Variants in GMIP observed in about 807,000 individuals in gnomAD.
GMIP encodes the protein GEM interacting protein.
Under a neutral mutation model 105.3 loss-of-function variants are expected in GMIP, and 54 were observed. The observed-to-expected ratio is 0.51, with a 90% confidence interval of 0.41 to 0.64. The LOEUF (loss-of-function observed/expected upper bound fraction) is 0.64. GMIP is among the 30% of genes least tolerant of loss of function. The pLI, the probability that GMIP is intolerant of heterozygous loss-of-function variation, is 0.00. For missense variants in GMIP, 1,110 were observed against 1,319.4 expected, an observed-to-expected ratio of 0.84 and a Z score of 2.46; for synonymous variants, 541 against 560.8, an observed-to-expected ratio of 0.96 and a Z score of 0.50.
At position 19,629,807 on chromosome 19, in the gene GMIP, T is replaced by C; in HGVS notation, c.*156A>G. The C allele has an allele frequency of 1.4e-6, 1 of 711,924 alleles. No homozygotes were observed. Among genetic ancestry groups the C allele is most frequent in the Non-Finnish European group, 2.3e-6 (1 of 438,874 alleles). The allele number at this position is 711,924 out of a possible 1,614,324, so 44.1% of individuals were successfully genotyped here. On this transcript the variant is annotated 3_prime_UTR_variant, in exon 21 of 21. Coordinates refer to ENST00000203556, the MANE Select transcript of GMIP (RefSeq NM_016573.4). ...AAAAGGGTTTTAGGCCTCCCCTAGG[T>C]CATGTATTAAATAGTTTTTCCTTAT...
rs1402843073 is a variant in GMIP, at chr19:19,640,521, C to T, written c.289G>A (p.Ala97Thr). The change falls in exon 5 of 21, where the codon GCC becomes ACC. Residue 97 changes from alanine to threonine, a missense_variant. By Grantham distance (58) the Ala-to-Thr change is moderately conservative. Around this residue, in one of 3 missense-constraint regions of GMIP, gnomAD observed 667 missense variants for 773.2 expected, o/e 0.86. Coordinates refer to ENST00000203556, the MANE Select transcript of GMIP (RefSeq NM_016573.4). ...LIRTKGGVDAALEYAKTWSRY... is the reference protein window; with the variant it reads ...LIRTKGGVDATLEYAKTWSRY... ...CTCCAGGTCTTGGCATATTCCAGGG[C>T]TGCGTCCACACCCCCCTTTGTCCGA... is the stretch of plus-strand genomic sequence containing the variant. 2 of 1,613,996 alleles carry T rather than the reference C, an allele frequency of 1.2e-6. No homozygotes were observed. The highest frequency in any genetic ancestry group is 1.1e-5 in the South Asian group (1 of 91,082).
intron 1 of GMIP, chr19:19,643,154 C>T: frequency 3.4e-6 from 1 of 291,406 alleles, no homozygotes; most frequent in Non-Finnish European, 6.4e-6. Context: ...CCAGCACTGC[C>T]GACTCCCCAG....
chr19:19,629,819 T>C lies in GMIP; in HGVS notation c.*144A>G. 1 of 776,658 alleles carries C rather than the reference T, an allele frequency of 1.3e-6. No homozygotes were observed. Among genetic ancestry groups the C allele is most frequent in the East Asian group, 2.7e-5 (1 of 36,900 alleles). The allele number at this position is 776,658 out of a possible 1,614,324, so 48.1% of individuals were successfully genotyped here. ...GGCCTCCCCTAGGTCATGTATTAAA[T>C]AGTTTTTCCTTATAGGAACCCTCTG... On this transcript the variant is annotated 3_prime_UTR_variant, in exon 21 of 21. Coordinates refer to ENST00000203556, the MANE Select transcript of GMIP (RefSeq NM_016573.4).
chr19:19,631,277 A>G (rs943189323), intron 19 of GMIP, among the ~76,000 whole-genome samples: 1 of 152,154 alleles, frequency 6.6e-6, no homozygotes, highest in Middle Eastern at 3.2e-3. Flanking sequence ...CGTGGGCTCC[A>G]TGAGGGTGGG....
In GMIP at chr19:19,633,893, G is replaced by A; in HGVS notation, c.2382C>T (p.Asp794=). The change falls in exon 19 of 21, where the codon GAC becomes GAT. Residue 794 remains aspartate, a synonymous_variant. Coordinates refer to ENST00000203556, the MANE Select transcript of GMIP (RefSeq NM_016573.4). ...SQPPPPHLDP[D]SQPPVLASDP... is the part of the protein sequence containing the mutation. ...CTGAGGCTAGGACTGGGGGCTGGGA[G>A]TCTGGGTCAAGGTGCGGGGGTGGCG... 1 of 1,512,140 alleles carries A rather than the reference G, an allele frequency of 6.6e-7. No individual in the cohort carries two copies. Among genetic ancestry groups the A allele is most frequent in the Non-Finnish European group, 8.9e-7 (1 of 1,127,618 alleles). The allele number at this position is 1,512,140 out of a possible 1,614,324, so 93.7% of individuals were successfully genotyped here. A position where few individuals can be genotyped will look rare whatever the true frequency, so the allele number is the denominator to read the frequency against.
chr19:19,633,908 C>T lies in GMIP; in HGVS notation c.2367G>A (p.Pro789=), dbSNP rs757651716. The change falls in exon 19 of 21, where the codon CCG becomes CCA. Residue 789 remains proline (P), a synonymous_variant. Coordinates refer to ENST00000203556, the MANE Select transcript of GMIP (RefSeq NM_016573.4). ...PLTTSSQPPP[P]HLDPDSQPPV... is the part of the protein sequence containing the mutation. ...GGGGCTGGGAGTCTGGGTCAAGGTG[C>T]GGGGGTGGCGGTTGGGAGCTGGTTG... 3.4e-5 allele frequency: 38 copies of T among 1,132,428 alleles called. No homozygotes were observed. In the South Asian group the frequency reaches 3.5e-4, roughly 11 times the overall value. The allele number at this position is 1,132,428 out of a possible 1,614,324, so 70.1% of individuals were successfully genotyped here.
rs774019536 is a variant in GMIP at position 19,638,388 on chromosome 19, A to G, written c.618+14T>C. ...TCTCTCTCACCCTACCCTTCCACCAATTCCAAGCCTCACCATCCGCTTCTG... is the reference window on the plus strand; with the variant it reads ...TCTCTCTCACCCTACCCTTCCACCAGTTCCAAGCCTCACCATCCGCTTCTG... On this transcript the variant is annotated intron_variant, in intron 8 of 20. Coordinates refer to ENST00000203556, the MANE Select transcript of GMIP (RefSeq NM_016573.4). 6.2e-7 allele frequency: 1 copy of G among 1,614,002 alleles called. No homozygotes were observed. Among genetic ancestry groups the G allele is most frequent in the Non-Finnish European group, 8.5e-7 (1 of 1,179,946 alleles).
chr19:19,631,987 CA>C (rs1167199239), intron 19 of GMIP, among the ~76,000 whole-genome samples: 1,317 of 104,906 alleles, frequency 0.013, 15 homozygotes, highest in African/African-American at 0.036. Context: ...GACTCCATCT[CA>C]AAAAAAAAAA....
chr19:19,643,557 G>A lies in GMIP; in HGVS notation c.-28C>T, dbSNP rs1242425760. 12 of 1,536,148 alleles carry A rather than the reference G, an allele frequency of 7.8e-6. No individual in the cohort carries two copies. Among genetic ancestry groups the A allele is most frequent in the Admixed American group, 4.0e-5 (2 of 50,084 alleles). On this transcript the variant is annotated 5_prime_UTR_variant, in exon 1 of 21. Coordinates refer to ENST00000203556, the MANE Select transcript of GMIP (RefSeq NM_016573.4). ...CTGGGCCCGGGGATCGCTCTGCAGGGACCGGGATGGGGATGGGGTCGCGCG... is the reference window on the plus strand; with the variant it reads ...CTGGGCCCGGGGATCGCTCTGCAGGAACCGGGATGGGGATGGGGTCGCGCG...
Position 19,636,739 on chromosome 19 carries a change from G to C in GMIP, c.1295C>G (p.Ser432Cys), listed in dbSNP as rs147822392. The change falls in exon 13 of 21, where the codon TCT (serine) becomes TGT (cysteine). Residue 432 changes from serine to cysteine, a missense_variant. Transcript: ENST00000203556. ...DVDSVGGGSE[S>C]RSLDSPTSSP... is the part of the protein sequence containing the mutation. ...GGAAGTGGGTGAGTCCAGGGACCGA[G>C]ACTCGCTGCCGCCACCCACGCTGTC... 3.2e-4 allele frequency: 515 copies of C among 1,613,648 alleles called. 1 individual carries two copies. The highest frequency in any genetic ancestry group is 4.2e-4 in the Non-Finnish European group (492 of 1,179,926).
chr19:19,643,615 G>A lies in GMIP; in HGVS notation c.-86C>T, dbSNP rs1336621220. The A allele has an allele frequency of 4.9e-6, 6 of 1,222,764 alleles. No homozygotes were observed. Among genetic ancestry groups the A allele is most frequent in the Non-Finnish European group, 3.4e-6 (3 of 881,374 alleles). 75.7% of individuals were successfully genotyped at this position (1,222,764 alleles called of 1,614,324 possible). Reference sequence around the variant, plus strand: ...GGCCGAGCCCCGATTTCCTGCCGCCGCAGCCGCCGCCGCCGCCTCGGTTCC... The same window carrying A: ...GGCCGAGCCCCGATTTCCTGCCGCCACAGCCGCCGCCGCCGCCTCGGTTCC... On this transcript the variant is annotated 5_prime_UTR_variant, in exon 1 of 21. Transcript: ENST00000203556.
chr19:19,629,523 C>G lies in GMIP; in HGVS notation c.*440G>C, dbSNP rs2061770209. 5.6e-6 allele frequency: 1 copy of G among 179,702 alleles called. No homozygotes were observed. Among genetic ancestry groups the G allele is most frequent in the Admixed American group, 5.4e-5 (1 of 18,574 alleles). 11.1% of individuals were successfully genotyped at this position (179,702 alleles called of 1,614,324 possible). A position where few individuals can be genotyped will look rare whatever the true frequency, so the allele number is the denominator to read the frequency against. ...GCCATCAGACCTCAGGCACCACCAG[C>G]ATGTGGAGTCTGAGCTGCCCACCTC... On this transcript the variant is annotated 3_prime_UTR_variant, in exon 21 of 21. Transcript: ENST00000203556.
At position 19,637,608 on chromosome 19, in the gene GMIP, C is replaced by T. The variant is rs751480982; in HGVS notation, c.928-47G>A. On this transcript the variant is annotated intron_variant, in intron 10 of 20. Coordinates refer to ENST00000203556, the MANE Select transcript of GMIP (RefSeq NM_016573.4). The surrounding 1 kb of genome is among the most constrained non-coding windows in gnomAD (Gnocchi z 6.7). ...TTGGGGAGGGGCGGAGCCTGGGAGC[C>T]TGGGGGCAGGGCCAGAGCTGGGGCG... The T allele has an allele frequency of 1.4e-5, 20 of 1,414,258 alleles. No individual in the cohort carries two copies. Among genetic ancestry groups the T allele is most frequent in the Non-Finnish European group, 1.8e-5 (19 of 1,070,456 alleles). The allele number at this position is 1,414,258 out of a possible 1,614,324, so 87.6% of individuals were successfully genotyped here. A position where few individuals can be genotyped will look rare whatever the true frequency, so the allele number is the denominator to read the frequency against.
chr19:19,636,819 G>C (rs977212132), intron 12 of GMIP, 23 bp from the exon 13 acceptor site: 1 of 1,595,838 alleles, frequency 6.3e-7, no homozygotes, highest in Non-Finnish European at 8.6e-7. Flanking sequence ...GGTCAATAAG[G>C]ATGGTCCCCT....
Position 19,634,516 on chromosome 19 carries a change from T to C in GMIP, c.2075A>G (p.His692Arg). Residue 692 changes from histidine to arginine, a missense_variant, in exon 18 of 21, where the codon CAT becomes CGT. By Grantham distance (29) the His-to-Arg change is conservative. This residue lies in a region of GMIP where 394 missense variants were observed against 450.5 expected (regional missense o/e 0.87). Transcript: ENST00000203556. The surrounding 1 kb of genome is among the most constrained non-coding windows in gnomAD (Gnocchi z 6.1). ...AGGGACCCATGCACACCTGAACAGA[T>C]GGGCCACCAGGTGCCGCAGGGTGTT... ...NYNTLRHLVA[H>R]LFRVAARFME... is the part of the protein sequence containing the mutation. 1.9e-6 allele frequency: 3 copies of C among 1,609,426 alleles called. No individual in the cohort carries two copies. Among genetic ancestry groups the C allele is most frequent in the Non-Finnish European group, 2.5e-6 (3 of 1,178,688 alleles).
chr19:19,642,615 G>A lies in GMIP; in HGVS notation c.24C>T (p.Leu8=). MDAAEPG[L]PPGPEGRKRY... Reference sequence around the variant, plus strand: ...TCTTCCTGCCCTCAGGACCTGGGGGGAGTCCTAGGGGAGGGGAGTGTAATA... The same window carrying A: ...TCTTCCTGCCCTCAGGACCTGGGGGAAGTCCTAGGGGAGGGGAGTGTAATA... Residue 8 remains leucine, a synonymous_variant, in exon 2 of 21, where the codon CTC becomes CTT. Transcript: ENST00000203556. The A allele has an allele frequency of 1.3e-6, 2 of 1,581,314 alleles. No homozygotes were observed. Among genetic ancestry groups the A allele is most frequent in the Non-Finnish European group, 1.7e-6 (2 of 1,151,350 alleles).
At position 19,643,645 on chromosome 19, in the gene GMIP, C is replaced by G. The variant is rs901322034; in HGVS notation, c.-116G>C. 2 of 884,150 alleles carry G rather than the reference C, an allele frequency of 2.3e-6. No individual in the cohort carries two copies. Among genetic ancestry groups the G allele is most frequent in the Non-Finnish European group, 3.3e-6 (2 of 600,528 alleles). 54.8% of individuals were successfully genotyped at this position (884,150 alleles called of 1,614,324 possible). On this transcript the variant is annotated 5_prime_UTR_variant, in exon 1 of 21. Transcript: ENST00000203556. ...CGCCGCCGCCGCCTCGGTTCCGCGT[C>G]GCCCTGCCCAGCGGAGGCCACGCCC...
Position 19,634,295 on chromosome 19 carries a change from C to T in GMIP, c.2085-105G>A. On this transcript the variant is annotated intron_variant, in intron 18 of 20. Transcript: ENST00000203556. This position sits in a 1 kb window ranked among gnomAD's most constrained non-coding sequence, Gnocchi z 6.1. ...CAGCCTAGAGGTGACTTGCCCATGTCACAGGTGTAAGTCGTCTGAGACCAG... is the reference window on the plus strand; with the variant it reads ...CAGCCTAGAGGTGACTTGCCCATGTTACAGGTGTAAGTCGTCTGAGACCAG... The T allele has an allele frequency of 7.9e-7, 1 of 1,268,078 alleles. No homozygotes were observed. The highest frequency in any genetic ancestry group is 1.1e-6 in the Non-Finnish European group (1 of 933,386). The allele number at this position is 1,268,078 out of a possible 1,614,324, so 78.6% of individuals were successfully genotyped here.
At chr19:19,638,119 G>A (rs753638612) in intron 9 of GMIP, 40 bp downstream of exon 9, 2 of 1,561,076 alleles carry the variant, frequency 1.3e-6, no homozygotes, top group South Asian at 1.2e-5. Context: ...GAGGGCAGGG[G>A]GCGCCACAGC....
Sources: gnomAD v4.1 joint callset for allele counts (sites outside exome capture counted in the v4.1 genomes callset) on GRCh38, gnomAD v4.1.1 for gene constraint, gnomAD v4.1.1 regional missense constraint, Gnocchi (gnomAD v3.1) non-coding constraint, MANE v1.5 for transcripts, NCBI Gene and HGNC (gene_info 2026-07-23, HGNC 2026-07-21) for gene names.